Variants in SLC35G2 observed in about 807,000 individuals in gnomAD.
The protein encoded by SLC35G2 is solute carrier family 35 member G2.
Under a neutral mutation model 27.2 loss-of-function variants are expected in SLC35G2, and 20 were observed. That is an observed-to-expected ratio of 0.74 (90% confidence interval 0.52 to 1.07). The LOEUF is 1.07. SLC35G2 is among the 50% of genes least tolerant of loss of function. The pLI, the probability that SLC35G2 is intolerant of heterozygous loss-of-function variation, is 0.00. For missense variants in SLC35G2, 416 were observed against 493.3 expected (o/e 0.84, Z 1.48); for synonymous variants, 148 against 165.3 (o/e 0.90, Z 0.80).
intron 1 of SLC35G2, among the ~76,000 whole-genome samples, chr3:136,832,268 C>T (rs929117539): frequency 3.9e-5 from 6 of 152,180 alleles, no homozygotes; most frequent in African/African-American, 1.4e-4. Flanking sequence ...CCTGCCTTGG[C>T]CTCCCAAAAT....
chr3:136,852,066 A>G (rs1006030378), intron 1 of SLC35G2, among the ~76,000 whole-genome samples: 1 of 152,252 alleles, frequency 6.6e-6, no homozygotes, highest in East Asian at 1.9e-4. Context: ...GGAACTGGAA[A>G]AATTGTGGTA....
chr3:136,822,695 G>A lies in SLC35G2; in HGVS notation c.-19+3067G>A, dbSNP rs1161428873. ...GAAAACACGTGAAGTTTGTCTTTCT[G>A]TGCCTGGCTTATTTCACTTAACATG... On this transcript the variant is annotated intron_variant, in intron 1 of 1. Coordinates refer to ENST00000446465, the MANE Select transcript of SLC35G2 (RefSeq NM_025246.3). 2.0e-5 allele frequency among the ~76,000 whole-genome samples: 3 copies of A among 152,192 alleles called. 1 individual carries two copies. Among genetic ancestry groups the A allele is most frequent in the Non-Finnish European group, 4.4e-5 (3 of 68,024 alleles).
chr3:136,844,344 C>T (rs924282828), intron 1 of SLC35G2, among the ~76,000 whole-genome samples: 5 of 151,776 alleles, frequency 3.3e-5, no homozygotes, highest in African/African-American at 1.2e-4. Context: ...AAAAAATTAG[C>T]TGGGTGTGGT....
rs530438877 is a variant in SLC35G2, at chr3:136,855,592, G to A, written c.1132G>A (p.Gly378Arg). The change falls in exon 2 of 2, where the codon GGG becomes AGG. Residue 378 changes from glycine (G) to arginine (R), a missense_variant. Physicochemically the swap from Gly to Arg is moderately radical, Grantham distance 125. Transcript: ENST00000446465. ...TCCTAGCATCTATGATGTTTTTGGAGGGGTAATCATTATGATTAGTGTTTT... is the reference window on the plus strand; with the variant it reads ...TCCTAGCATCTATGATGTTTTTGGAAGGGTAATCATTATGATTAGTGTTTT... The part of the protein sequence containing the change: ...IFPSIYDVFG[G>R]VIIMISVFVL... The A allele has an allele frequency of 6.2e-7, 1 of 1,614,048 alleles. No homozygotes were observed. Among genetic ancestry groups the A allele is most frequent in the African/African-American group, 1.3e-5 (1 of 75,018 alleles).
intron 1 of SLC35G2, among the ~76,000 whole-genome samples, chr3:136,848,904 A>G (rs1312274032): frequency 1.3e-5 from 2 of 152,066 alleles, no homozygotes; most frequent in Non-Finnish European, 2.9e-5. Flanking sequence ...ACATGTAACG[A>G]ACCGGGCACG....
At chr3:136,849,845 C>T (rs1329948762) in intron 1 of SLC35G2, among the ~76,000 whole-genome samples, 1 of 151,696 alleles carries the variant, frequency 6.6e-6, no homozygotes, top group Non-Finnish European at 1.5e-5. Context: ...TGGCTCATGC[C>T]TGTGATCCCA....
chr3:136,826,240 T>TA (rs1278523726), intron 1 of SLC35G2, among the ~76,000 whole-genome samples: 1 of 151,858 alleles, frequency 6.6e-6, no homozygotes, highest in Non-Finnish European at 1.5e-5. Flanking sequence ...GGTTTCACTG[T>TA]GTTAGTCAGG....
In SLC35G2 at chr3:136,840,413, G is replaced by T. The variant is rs190727252; in HGVS notation, c.-18-14030G>T. ...ATCACCACTGACCTGTCACCAGAAA[G>T]GCACAGTGATGATGATAAATTTGGA... On this transcript the variant is annotated intron_variant, in intron 1 of 1. Coordinates refer to ENST00000446465, the MANE Select transcript of SLC35G2 (RefSeq NM_025246.3). Among the ~76,000 whole-genome samples, 39 of 152,146 alleles carry T rather than the reference G, an allele frequency of 2.6e-4. No homozygotes were observed. In the East Asian group the frequency reaches 6.6e-3, roughly 26 times the overall value.
At chr3:136,821,539 C>G (rs776296158) in intron 1 of SLC35G2, among the ~76,000 whole-genome samples, 1 of 152,120 alleles carries the variant, frequency 6.6e-6, no homozygotes, top group Non-Finnish European at 1.5e-5. Context: ...CTCTGCCTCC[C>G]GGGTTCAAGG....
At chr3:136,841,217 T>C (rs1470174190) in intron 1 of SLC35G2, among the ~76,000 whole-genome samples, 1 of 152,056 alleles carries the variant, frequency 6.6e-6, no homozygotes, top group African/African-American at 2.4e-5. Flanking sequence ...AAATAAAAGT[T>C]AGTTGTTGCT....
At chr3:136,820,252 G>C (rs752277889) in intron 1 of SLC35G2, 2 of 152,456 alleles carry the variant, frequency 1.3e-5, no homozygotes, top group African/African-American at 4.8e-5. Flanking sequence ...GGTAGCTCCG[G>C]AGGAGCGATC....
At chr3:136,825,241 C>CA (rs1936556130) in intron 1 of SLC35G2, among the ~76,000 whole-genome samples, 2 of 135,096 alleles carry the variant, frequency 1.5e-5, no homozygotes, top group East Asian at 4.4e-4. Context: ...TCGTATATAA[C>CA]TTTTTTTTTT....
intron 1 of SLC35G2, among the ~76,000 whole-genome samples, chr3:136,850,811 T>C (rs527500477): frequency 5.0e-4 from 76 of 151,884 alleles, no homozygotes; most frequent in African/African-American, 1.6e-3. Flanking sequence ...GTGGGCAACA[T>C]GGCAAAACCC....
chr3:136,820,912 TC>T (rs1936441446), intron 1 of SLC35G2, among the ~76,000 whole-genome samples: 2 of 152,118 alleles, frequency 1.3e-5, no homozygotes, highest in South Asian at 4.1e-4. Context: ...CCAAAAAAAT[TC>T]CTTAAAGAAA....
At position 136,854,528 on chromosome 3, in the gene SLC35G2, T is replaced by C. The variant is rs780208931; in HGVS notation, c.68T>C (p.Met23Thr). 1.5e-5 allele frequency: 24 copies of C among 1,607,518 alleles called. No homozygotes were observed. Among genetic ancestry groups the C allele is most frequent in the Non-Finnish European group, 1.9e-5 (22 of 1,177,658 alleles). ...GTGAAAATACATCCCAACACAGTGA[T>C]GGTGAAATATACTTCTCATTATCCC... ...KRVKIHPNTV[M>T]VKYTSHYPQP... is the part of the protein sequence containing the mutation. The change falls in exon 2 of 2, where the codon ATG becomes ACG. Residue 23 changes from methionine (M) to threonine (T), a missense_variant. Met to Thr is a moderately conservative substitution (Grantham distance 81). Transcript: ENST00000446465.
intron 1 of SLC35G2, among the ~76,000 whole-genome samples, chr3:136,852,117 T>G (rs1253557792): frequency 6.6e-6 from 1 of 152,194 alleles, no homozygotes; most frequent in Admixed American, 6.6e-5. Flanking sequence ...AAAATCTATT[T>G]GGGAGAACAA....
At chr3:136,843,506 T>C (rs1937201239) in intron 1 of SLC35G2, among the ~76,000 whole-genome samples, 1 of 149,316 alleles carries the variant, frequency 6.7e-6, no homozygotes, top group South Asian at 2.1e-4. Context: ...ATTAGCCGGG[T>C]GTGGTGGCAC....
At chr3:136,831,352 C>A (rs1936725475) in intron 1 of SLC35G2, among the ~76,000 whole-genome samples, 1 of 152,208 alleles carries the variant, frequency 6.6e-6, no homozygotes, top group Non-Finnish European at 1.5e-5. Context: ...TTCTCCAAAG[C>A]ATATCAGCTA....
chr3:136,847,080 G>A (rs561978470), intron 1 of SLC35G2, among the ~76,000 whole-genome samples: 26 of 152,188 alleles, frequency 1.7e-4, no homozygotes, highest in African/African-American at 5.1e-4. Context: ...GGGAGGCTGA[G>A]GCAGGAGAAT....
Sources: allele counts gnomAD v4.1 joint callset (sites outside exome capture counted in the v4.1 genomes callset), GRCh38; gene constraint gnomAD v4.1.1; transcripts MANE v1.5; gene names NCBI Gene and HGNC (gene_info 2026-07-23, HGNC 2026-07-21).